Variants in ADAMTS17 observed in about 807,000 individuals in gnomAD.
ADAMTS17 encodes A disintegrin and metalloproteinase with thrombospondin motifs 17.
ADAMTS17 carries 113 observed loss-of-function variants against 141.5 expected under a neutral mutation model. The ratio of observed to expected loss-of-function variants is 0.80; its 90% confidence interval spans 0.69 to 0.93. The LOEUF (loss-of-function observed/expected upper bound fraction) is 0.93. Among genes scored for constraint, ADAMTS17 ranks in the 40% least tolerant of loss-of-function variants. The pLI is 0.00. For missense variants in ADAMTS17, 1,659 were observed against 1,517.9 expected, an observed-to-expected ratio of 1.09 and a Z score of -1.54; for synonymous variants, 768 against 630.6, an observed-to-expected ratio of 1.22 and a Z score of -3.27.
intron 15 of ADAMTS17, among the ~76,000 whole-genome samples, chr15:100,092,993 T>C (rs1367330395): frequency 6.6e-6 from 1 of 152,238 alleles, no homozygotes; most frequent in Non-Finnish European, 1.5e-5. Context: ...TAGGTTCAGA[T>C]AACTCAGCTG....
rs2043223508 is a variant in ADAMTS17 at position 100,253,495 on chromosome 15, G to GGGGGAGGGGAAGGTAGAA, written c.1075+640_1075+641insTTCTACCTTCCCCTCCCC. Reference sequence around the variant, plus strand: ...AGGTAGAGGGGGAGGGGAACGTAGAGGGGGAGGGGAAGGTAGAGGGGGGAG... The same window carrying GGGGGAGGGGAAGGTAGAA: ...AGGTAGAGGGGGAGGGGAACGTAGAGGGGGAGGGGAAGGTAGAAGGGGAGGGGAAGGTAGAGGGGGGAG... On this transcript the variant is annotated intron_variant, in intron 7 of 21. Transcript: ENST00000268070. 5.1e-5 allele frequency among the ~76,000 whole-genome samples: 2 copies of GGGGGAGGGGAAGGTAGAA among 38,870 alleles called. 1 individual carries two copies. Among genetic ancestry groups the GGGGGAGGGGAAGGTAGAA allele is most frequent in the Non-Finnish European group, 1.1e-4 (2 of 18,674 alleles). The allele number at this position is 38,870 out of a possible 152,430, so 25.5% of individuals were successfully genotyped here.
At chr15:100,236,401 C>T (rs1048088633) in intron 7 of ADAMTS17, among the ~76,000 whole-genome samples, 10 of 152,030 alleles carry the variant, frequency 6.6e-5, no homozygotes, top group Non-Finnish European at 8.8e-5. Context: ...CCAGGCCCAC[C>T]GAATGCAAAC....
chr15:100,009,764 G>A (rs1471781879), intron 18 of ADAMTS17, among the ~76,000 whole-genome samples: 1 of 152,224 alleles, frequency 6.6e-6, no homozygotes, highest in Non-Finnish European at 1.5e-5. Flanking sequence ...CCAAAACAGA[G>A]ATGGTCACAT....
intron 10 of ADAMTS17, 110 bp from the exon 11 acceptor site, chr15:100,133,425 G>C (rs146403107): frequency 4.0e-6 from 4 of 1,000,544 alleles, no homozygotes; most frequent in African/African-American, 1.6e-5. Context: ...GATTCGAAAC[G>C]TATGGGGAAG....
chr15:100,106,883 G>A (rs72768101), intron 14 of ADAMTS17, among the ~76,000 whole-genome samples: 11,483 of 152,240 alleles, frequency 0.075, 453 homozygotes, highest in Middle Eastern at 0.12. Flanking sequence ...GACGGGCAGG[G>A]CCTTGGACAT....
intron 4 of ADAMTS17, among the ~76,000 whole-genome samples, chr15:100,270,092 G>T (rs1400899862): frequency 6.6e-6 from 1 of 152,132 alleles, no homozygotes; most frequent in Non-Finnish European, 1.5e-5. Context: ...CGGCCAAGGT[G>T]GATCTGCTCT....
At chr15:100,155,395 T>G in intron 8 of ADAMTS17, 75 bp from the exon 9 acceptor site, 3 of 1,564,204 alleles carry the variant, frequency 1.9e-6, no homozygotes, top group South Asian at 1.2e-5. Flanking sequence ...TAGCGGACCA[T>G]GCTAAGGTAA....
intron 18 of ADAMTS17, among the ~76,000 whole-genome samples, chr15:100,016,929 A>C (rs1297522974): frequency 1.3e-5 from 2 of 152,170 alleles, no homozygotes; most frequent in Non-Finnish European, 2.9e-5. Flanking sequence ...TAGAACCCTC[A>C]AGATTATATG....
chr15:100,300,724 T>C (rs964927699), intron 3 of ADAMTS17, among the ~76,000 whole-genome samples: 27 of 152,184 alleles, frequency 1.8e-4, no homozygotes, highest in African/African-American at 3.6e-4. Flanking sequence ...GGGCACCACA[T>C]CATCACATGG....
intron 7 of ADAMTS17, among the ~76,000 whole-genome samples, chr15:100,224,578 T>G (rs954996575): frequency 6.6e-6 from 1 of 152,220 alleles, no homozygotes; most frequent in African/African-American, 2.4e-5. Flanking sequence ...GGCAAAATAT[T>G]CTCCTTTATT....
intron 7 of ADAMTS17, among the ~76,000 whole-genome samples, chr15:100,214,537 TGAAAA>T (rs1165020081): frequency 1.3e-5 from 2 of 152,144 alleles, no homozygotes; most frequent in Non-Finnish European, 2.9e-5. Context: ...ATAAAAAACT[TGAAAA>T]GGCAAAATAA....
At chr15:100,073,190 A>G (rs1041700829) in intron 15 of ADAMTS17, among the ~76,000 whole-genome samples, 7 of 152,206 alleles carry the variant, frequency 4.6e-5, no homozygotes, top group Non-Finnish European at 1.0e-4. Context: ...CATCAGAGAA[A>G]TGCAAATCAA....
chr15:100,016,611 G>A (rs528627758), intron 18 of ADAMTS17, among the ~76,000 whole-genome samples: 2 of 152,120 alleles, frequency 1.3e-5, no homozygotes, highest in Admixed American at 6.5e-5. Flanking sequence ...CCTGTGAGCC[G>A]AACTGAAGTG....
At chr15:100,197,738 T>C (rs924895136) in intron 8 of ADAMTS17, among the ~76,000 whole-genome samples, 3 of 152,016 alleles carry the variant, frequency 2.0e-5, no homozygotes, top group Non-Finnish European at 4.4e-5. Context: ...ACTCACATCA[T>C]GACATACAAT....
intron 7 of ADAMTS17, among the ~76,000 whole-genome samples, chr15:100,232,592 G>C (rs1020364283): frequency 6.6e-6 from 1 of 152,222 alleles, no homozygotes; most frequent in Non-Finnish European, 1.5e-5. Flanking sequence ...GGCAACGAAG[G>C]TCTCACGCTG....
intron 3 of ADAMTS17, 142 bp from the exon 4 acceptor site, chr15:100,281,543 A>C: frequency 6.3e-6 from 7 of 1,116,270 alleles, no homozygotes; most frequent in Non-Finnish European, 7.8e-6. Context: ...AGCAATCTCC[A>C]CCGTCATGTG....
intron 3 of ADAMTS17, among the ~76,000 whole-genome samples, chr15:100,286,033 G>C (rs761246229): frequency 6.6e-6 from 1 of 152,080 alleles, no homozygotes; most frequent in African/African-American, 2.4e-5. Context: ...TCCCAGGGGC[G>C]GCCCATCATA....
chr15:99,991,240 C>T (rs929835040), intron 20 of ADAMTS17, among the ~76,000 whole-genome samples: 1 of 152,174 alleles, frequency 6.6e-6, no homozygotes, highest in Non-Finnish European at 1.5e-5. Context: ...AGGCAACCTA[C>T]AGAATGGGAA....
At chr15:100,150,452 TA>T (rs1317831010) in intron 10 of ADAMTS17, among the ~76,000 whole-genome samples, 4 of 152,122 alleles carry the variant, frequency 2.6e-5, no homozygotes, top group Non-Finnish European at 4.4e-5. Flanking sequence ...TTAGCTTCTA[TA>T]TTCTCATCTG....
Sources: allele counts gnomAD v4.1 joint callset (sites outside exome capture counted in the v4.1 genomes callset), GRCh38; gene constraint gnomAD v4.1.1; transcripts MANE v1.5; gene names NCBI Gene and HGNC (gene_info 2026-07-23, HGNC 2026-07-21).